The following SNCAIP variants were observed in gnomAD, a reference collection of about 807,000 sequenced individuals.
The protein encoded by SNCAIP is synuclein alpha interacting protein.
Under a neutral mutation model 86.7 loss-of-function variants are expected in SNCAIP, and 43 were observed. That is an observed-to-expected ratio of 0.50 (90% CI 0.39 to 0.64). SNCAIP has a LOEUF of 0.64. Ranked by LOEUF, SNCAIP falls within the 30% of genes least tolerant of loss-of-function variation. The pLI is 0.00. For missense variants in SNCAIP, 981 were observed against 1,103.1 expected, an observed-to-expected ratio of 0.89 and a Z score of 1.57; for synonymous variants, 417 against 427.2, an observed-to-expected ratio of 0.98 and a Z score of 0.29.
At chr5:122,362,933 C>A (rs962216124) in intron 1 of SNCAIP, among the ~76,000 whole-genome samples, 1 of 151,916 alleles carries the variant, frequency 6.6e-6, no homozygotes, top group African/African-American at 2.4e-5. Context: ...AGGGAAAGAA[C>A]CTAAAGAACC....
chr5:122,449,984 G>A, intron 9 of SNCAIP, 47 bp downstream of exon 9: 5 of 1,282,400 alleles, frequency 3.9e-6, no homozygotes, highest in Non-Finnish European at 5.7e-6. Context: ...ATCCTAAATT[G>A]TTAAGCCTTC....
chr5:122,414,387 T>TG (rs1561706427), intron 3 of SNCAIP, among the ~76,000 whole-genome samples: 3 of 152,044 alleles, frequency 2.0e-5, no homozygotes. Flanking sequence ...TGCACCACCA[T>TG]GCCTGGCTAA....
intron 8 of SNCAIP, among the ~76,000 whole-genome samples, chr5:122,445,999 GA>G (rs1168554176): frequency 6.6e-6 from 1 of 151,636 alleles, no homozygotes; most frequent in Non-Finnish European, 1.5e-5. Flanking sequence ...TTTGAAACTT[GA>G]AAAAAAGGGG....
chr5:122,420,626 T>C (rs1337487838), intron 3 of SNCAIP, among the ~76,000 whole-genome samples: 1 of 152,172 alleles, frequency 6.6e-6, no homozygotes, highest in Non-Finnish European at 1.5e-5. Context: ...CGAAAGTTGA[T>C]GAATAAAATT....
chr5:122,319,274 G>A (rs1002648591), intron 1 of SNCAIP, among the ~76,000 whole-genome samples: 3 of 151,872 alleles, frequency 2.0e-5, no homozygotes, highest in Non-Finnish European at 4.4e-5. Flanking sequence ...AGAGGTAAGG[G>A]CTCCAGTACT....
chr5:122,333,100 A>C (rs1028312285), intron 1 of SNCAIP, among the ~76,000 whole-genome samples: 1 of 152,212 alleles, frequency 6.6e-6, no homozygotes, highest in Non-Finnish European at 1.5e-5. Flanking sequence ...TAGCACAAAG[A>C]TAGAAGCCAT....
At chr5:122,356,076 G>A (rs1450390291) in intron 1 of SNCAIP, among the ~76,000 whole-genome samples, 1 of 145,838 alleles carries the variant, frequency 6.9e-6, no homozygotes. Context: ...ATAATATAAT[G>A]TTGCAAGAGT....
intron 1 of SNCAIP, among the ~76,000 whole-genome samples, chr5:122,367,893 C>T (rs149574711): frequency 0.024 from 3,721 of 152,108 alleles, 140 homozygotes; most frequent in African/African-American, 0.085. Flanking sequence ...CATACAAACA[C>T]ACATATATAA....
At chr5:122,380,205 C>A (rs1766389897) in intron 1 of SNCAIP, among the ~76,000 whole-genome samples, 1 of 152,136 alleles carries the variant, frequency 6.6e-6, no homozygotes, top group African/African-American at 2.4e-5. Context: ...TTGATTATTG[C>A]CACAATTTCA....
At chr5:122,352,965 C>A (rs977281607) in intron 1 of SNCAIP, among the ~76,000 whole-genome samples, 1 of 152,148 alleles carries the variant, frequency 6.6e-6, no homozygotes, top group Non-Finnish European at 1.5e-5. Context: ...GATACAGAAC[C>A]CTTCTACCTG....
intron 10 of SNCAIP, among the ~76,000 whole-genome samples, chr5:122,461,119 TG>T (rs1786102256): frequency 6.6e-6 from 1 of 152,196 alleles, no homozygotes; most frequent in Non-Finnish European, 1.5e-5. Context: ...CCAGATTGAG[TG>T]TTTGACTCAG....
chr5:122,390,873 G>A (rs1375394257), intron 1 of SNCAIP, among the ~76,000 whole-genome samples: 1 of 152,156 alleles, frequency 6.6e-6, no homozygotes, highest in Non-Finnish European at 1.5e-5. Context: ...AGGACTTTGA[G>A]TGCCCACTGG....
chr5:122,453,499 C>T (rs980851048), intron 10 of SNCAIP, among the ~76,000 whole-genome samples: 3 of 152,148 alleles, frequency 2.0e-5, no homozygotes, highest in Admixed American at 6.5e-5. Flanking sequence ...ATTATGAACA[C>T]GATTTCAGTC....
At position 122,378,682 on chromosome 5, in the gene SNCAIP, T is replaced by G. The variant is rs1394159353; in HGVS notation, c.-46-12407T>G. On this transcript the variant is annotated intron_variant, in intron 1 of 10. Transcript: ENST00000261368. The stretch of plus-strand genomic sequence containing the variant: ...GGTTTTTTTGGTTTTAGGTCTAACG[T>G]TTAAGTCTTTAATCCATCTTGAATT... Among the ~76,000 whole-genome samples, 8 of 128,590 alleles carry G rather than the reference T, an allele frequency of 6.2e-5. 2 individuals carry two copies. The highest frequency in any genetic ancestry group is 1.3e-4 in the Non-Finnish European group (8 of 59,608). 84.4% of individuals were successfully genotyped at this position (128,590 alleles called of 152,430 possible). A position where few individuals can be genotyped will look rare whatever the true frequency, so the allele number is the denominator to read the frequency against.
intron 1 of SNCAIP, among the ~76,000 whole-genome samples, chr5:122,320,679 G>A (rs1179403746): frequency 6.6e-6 from 1 of 152,144 alleles, no homozygotes; most frequent in Non-Finnish European, 1.5e-5. Flanking sequence ...GAGTCAGGGG[G>A]ATATGCAGGC....
intron 6 of SNCAIP, chr5:122,437,158 C>T (rs1191008021): frequency 6.6e-6 from 1 of 152,182 alleles, no homozygotes; most frequent in Non-Finnish European, 1.5e-5. Context: ...AGAGAACACA[C>T]ACTGAGGGGC....
intron 3 of SNCAIP, among the ~76,000 whole-genome samples, chr5:122,407,117 G>T (rs906733960): frequency 2.0e-5 from 3 of 152,140 alleles, no homozygotes; most frequent in Non-Finnish European, 4.4e-5. Flanking sequence ...ACATTCTACT[G>T]GCAGTGACAG....
intron 6 of SNCAIP, among the ~76,000 whole-genome samples, chr5:122,434,729 G>A (rs570875469): frequency 7.8e-4 from 119 of 152,186 alleles, no homozygotes; most frequent in Non-Finnish European, 1.6e-3. Flanking sequence ...TCCTACATCC[G>A]CCACAGCCAC....
intron 1 of SNCAIP, among the ~76,000 whole-genome samples, chr5:122,372,272 G>A (rs573954025): frequency 4.6e-5 from 7 of 152,136 alleles, no homozygotes; most frequent in East Asian, 3.9e-4. Flanking sequence ...GCTCTCCTCC[G>A]AAAAAGCTAT....
Sources: gnomAD v4.1 joint callset for allele counts (sites outside exome capture counted in the v4.1 genomes callset) on GRCh38, gnomAD v4.1.1 for gene constraint, MANE v1.5 for transcripts, NCBI Gene and HGNC (gene_info 2026-07-23, HGNC 2026-07-21) for gene names.